Variants in FGF13 observed in about 807,000 individuals in gnomAD.
The protein encoded by FGF13 is fibroblast growth factor 13.
A neutral mutation model predicts 19.5 loss-of-function variants in FGF13; 2 were observed. The ratio of observed to expected loss-of-function variants is 0.10; its 90% CI spans 0.04 to 0.32. The LOEUF (loss-of-function observed/expected upper bound fraction) is 0.32, where lower values mean the gene tolerates loss of function less well. FGF13 is among the 10% of genes least tolerant of loss of function. The probability of loss-of-function intolerance (pLI) is 1.00; values close to 1 mark genes in which losing one functional copy is unlikely to be tolerated. For synonymous variants in FGF13, 72 were observed against 76.9 expected (o/e 0.94, Z 0.33); for missense variants, 113 against 192.7 (o/e 0.59, Z 2.45).
intron 1 of FGF13, among the ~76,000 whole-genome samples, chrX:138,957,366 C>G (rs1186443559): frequency 8.9e-6 from 1 of 111,920 alleles, no homozygotes; most frequent in African/African-American, 3.2e-5. Context: ...AATATATTTA[C>G]TTTTCATCTC....
chrX:138,984,814 C>CTGTGTGTGTGTGTGTGTG (rs200719953), intron 1 of FGF13, among the ~76,000 whole-genome samples: 13 of 90,871 alleles, frequency 1.4e-4, no homozygotes, highest in African/African-American at 4.4e-4. Context: ...TATGTCAGTT[C>CTGTGTGTGTGTGTGTGTG]TGTGTGTGTG....
chrX:139,056,654 T>C (rs2092321401), intron 1 of FGF13, among the ~76,000 whole-genome samples: 1 of 112,341 alleles, frequency 8.9e-6, no homozygotes, highest in Non-Finnish European at 1.9e-5. Flanking sequence ...AGTAATAATG[T>C]GGGTGTAAAT....
intron 1 of FGF13, among the ~76,000 whole-genome samples, chrX:138,939,848 T>C (rs1425266858): frequency 8.9e-6 from 1 of 112,100 alleles, no homozygotes; most frequent in Non-Finnish European, 1.9e-5. Flanking sequence ...ATTCCATGTC[T>C]TTGCTCTTGT....
chrX:138,828,565 G>C (rs2091050396), intron 3 of FGF13, among the ~76,000 whole-genome samples: 1 of 90,035 alleles, frequency 1.1e-5, no homozygotes, highest in African/African-American at 4.4e-5. Flanking sequence ...GCGAGACTCC[G>C]TCTCAAAAAA....
chrX:139,116,698 A>T (rs72616265), intron 1 of FGF13, among the ~76,000 whole-genome samples: 2,126 of 111,057 alleles, frequency 0.019, 16 homozygotes, highest in East Asian at 0.07. Context: ...GGGGAAAAAA[A>T]TCCATTTAGC....
intron 1 of FGF13, among the ~76,000 whole-genome samples, chrX:139,184,834 T>A (rs893177431): frequency 1.8e-5 from 2 of 112,690 alleles, no homozygotes; most frequent in Admixed American, 1.9e-4. Context: ...ATACAAGCCA[T>A]GAGTGTTATT....
Position 138,764,206 on chromosome X carries a change from G to A in FGF13, c.218-55278C>T, listed in dbSNP as rs769301024. ...GGAAGCATGCCATCTCTGAACCTGG[G>A]CCATAGACTCTTGGCATAAACCTCA... On this transcript the variant is annotated intron_variant, in intron 3 of 6. Transcript: ENST00000436198. Among the ~76,000 whole-genome samples, 11 of 111,855 alleles carry A rather than the reference G, an allele frequency of 9.8e-5. No homozygotes were observed. The South Asian group carries it at 4.1e-3, about 42-fold the overall frequency.
intron 1 of FGF13, among the ~76,000 whole-genome samples, chrX:138,908,577 G>C (rs1282667517): frequency 9.1e-6 from 1 of 110,378 alleles, no homozygotes; most frequent in Non-Finnish European, 1.9e-5. Flanking sequence ...AGATCCTTCA[G>C]TTCTAACATT....
chrX:138,656,857 C>T (rs562986213), intron 3 of FGF13, among the ~76,000 whole-genome samples: 1 of 111,850 alleles, frequency 8.9e-6, no homozygotes, highest in South Asian at 3.7e-4. Context: ...ACAAAGAAGG[C>T]TGAAAGATAC....
At chrX:138,972,990 T>G (rs2124320608) in intron 1 of FGF13, among the ~76,000 whole-genome samples, 1 of 111,728 alleles carries the variant, frequency 9.0e-6, no homozygotes, top group Admixed American at 9.5e-5. Context: ...CTTTATAATT[T>G]ATTTAGGACC....
intron 1 of FGF13, among the ~76,000 whole-genome samples, chrX:138,975,314 T>C (rs2091935453): frequency 8.9e-6 from 1 of 112,302 alleles, no homozygotes; most frequent in African/African-American, 3.2e-5. Flanking sequence ...GTTGACTATC[T>C]TGTCCAAGAT....
chrX:138,930,622 A>G lies in FGF13; in HGVS notation c.-112-65972T>C, dbSNP rs559474583. ...TGTCATTTCTCATCATGAATCTAAG[A>G]CCCTATGCTGTAAAACTCTACCCGT... On this transcript the variant is annotated intron_variant, in intron 1 of 2. Coordinates refer to the FGF13 transcript ENST00000421460. 7.2e-5 allele frequency among the ~76,000 whole-genome samples: 8 copies of G among 111,726 alleles called. No individual in the cohort carries two copies. The East Asian group carries it at 2.3e-3, about 31-fold the overall frequency.
chrX:138,888,202 A>T (rs1210685011), intron 1 of FGF13, among the ~76,000 whole-genome samples: 1 of 112,123 alleles, frequency 8.9e-6, no homozygotes, highest in Non-Finnish European at 1.9e-5. Flanking sequence ...TACGCCATTG[A>T]GTTGTATCAT....
At chrX:138,951,791 T>A (rs2091814218) in intron 1 of FGF13, among the ~76,000 whole-genome samples, 1 of 112,079 alleles carries the variant, frequency 8.9e-6, no homozygotes, top group African/African-American at 3.2e-5. Context: ...AGTACCCTGT[T>A]AGGTATAGCC....
intron 1 of FGF13, among the ~76,000 whole-genome samples, chrX:139,145,350 T>C (rs1225655151): frequency 1.8e-5 from 2 of 111,813 alleles, no homozygotes; most frequent in African/African-American, 3.3e-5. Flanking sequence ...GATGGATGTT[T>C]TCATTACCTT....
At chrX:139,151,001 G>T (rs1398651020) in intron 1 of FGF13, among the ~76,000 whole-genome samples, 1 of 110,185 alleles carries the variant, frequency 9.1e-6, no homozygotes, top group Non-Finnish European at 1.9e-5. Flanking sequence ...CGTATGTTAG[G>T]AAGTTAAGAC....
chrX:138,992,093 T>A (rs2092018577), intron 1 of FGF13, among the ~76,000 whole-genome samples: 1 of 58,716 alleles, frequency 1.7e-5, no homozygotes, highest in Non-Finnish European at 3.6e-5. Flanking sequence ...TCTTTACATA[T>A]ACACATATAT....
chrX:139,045,881 C>CT (rs2092285668), intron 1 of FGF13, among the ~76,000 whole-genome samples: 1 of 111,803 alleles, frequency 8.9e-6, no homozygotes. Flanking sequence ...TCCAAACTTT[C>CT]TCTCATCTAC....
intron 3 of FGF13, among the ~76,000 whole-genome samples, chrX:138,851,770 G>A (rs1304946022): frequency 1.8e-5 from 2 of 111,963 alleles, no homozygotes; most frequent in Admixed American, 1.9e-4. Context: ...AAGAGAGGAA[G>A]TCAAATTGTC....
Sources: allele counts gnomAD v4.1 joint callset (sites outside exome capture counted in the v4.1 genomes callset), GRCh38; gene constraint gnomAD v4.1.1; transcripts MANE v1.5; gene names NCBI Gene and HGNC (gene_info 2026-07-23, HGNC 2026-07-21).